The following ZMYND11 variants were observed in gnomAD, a reference collection of about 807,000 sequenced individuals.
The protein encoded by ZMYND11 is zinc finger MYND domain-containing protein 11.
A neutral mutation model predicts 84.9 loss-of-function variants in ZMYND11; 9 were observed. The ratio of observed to expected loss-of-function variants is 0.11; its 90% CI spans 0.06 to 0.18. The LOEUF (loss-of-function observed/expected upper bound fraction) is 0.18, where lower values mean the gene tolerates loss of function less well. ZMYND11 is among the 10% of genes least tolerant of loss of function. ZMYND11 has a pLI of 1.00. For synonymous variants in ZMYND11, 250 were observed against 244.1 expected, an observed-to-expected ratio of 1.02 and a Z score of -0.23; for missense variants, 409 against 761.0, an observed-to-expected ratio of 0.54 and a Z score of 5.44.
At chr10:174,374 C>G (rs1395744668) in intron 1 of ZMYND11, among the ~76,000 whole-genome samples, 2 of 152,202 alleles carry the variant, frequency 1.3e-5, no homozygotes, top group African/African-American at 4.8e-5. Context: ...GTAAAAAGAC[C>G]AGTGGTTGCC....
intron 3 of ZMYND11, among the ~76,000 whole-genome samples, chr10:213,367 C>T (rs1190999552): frequency 6.6e-6 from 1 of 152,096 alleles, no homozygotes; most frequent in Admixed American, 6.6e-5. Flanking sequence ...ATAGTTTTAC[C>T]ACCTTATATA....
intron 3 of ZMYND11, among the ~76,000 whole-genome samples, chr10:215,011 A>T (rs1945918494): frequency 6.6e-6 from 1 of 152,240 alleles, no homozygotes; most frequent in African/African-American, 2.4e-5. Context: ...ACCTTAAATG[A>T]TGGATCATTT....
At chr10:224,054 G>T (rs753325807) in intron 4 of ZMYND11, among the ~76,000 whole-genome samples, 2 of 151,958 alleles carry the variant, frequency 1.3e-5, no homozygotes, top group African/African-American at 2.4e-5. Flanking sequence ...AATAATAAAT[G>T]GAAGCTAACC....
chr10:235,707 C>T (rs953162019), intron 4 of ZMYND11, among the ~76,000 whole-genome samples: 1 of 152,134 alleles, frequency 6.6e-6, no homozygotes, highest in African/African-American at 2.4e-5. Context: ...TGGGCACAGG[C>T]CACAAAGCGG....
chr10:224,102 T>C (rs1053291681), intron 4 of ZMYND11, among the ~76,000 whole-genome samples: 2 of 152,196 alleles, frequency 1.3e-5, no homozygotes, highest in African/African-American at 4.8e-5. Context: ...GAAGCCCTTT[T>C]CTAAGAGTTT....
chr10:150,306 T>A (rs1554756622), intron 1 of ZMYND11, among the ~76,000 whole-genome samples: 1 of 152,194 alleles, frequency 6.6e-6, no homozygotes, highest in East Asian at 1.9e-4. Context: ...TATTGGTCTA[T>A]TCAGGGATTC....
chr10:231,601 T>G (rs1949025188), intron 4 of ZMYND11, among the ~76,000 whole-genome samples: 1 of 152,190 alleles, frequency 6.6e-6, no homozygotes, highest in South Asian at 2.1e-4. Flanking sequence ...TAATCAGCTA[T>G]GGATAAACTT....
chr10:240,040 C>G lies in ZMYND11; in HGVS notation c.698-16C>G, dbSNP rs1564444909. On this transcript the variant is annotated splice_polypyrimidine_tract_variant and intron_variant, in intron 7 of 14. Coordinates refer to ENST00000381604, the MANE Select transcript of ZMYND11 (RefSeq NM_001370100.5). ...GCAGACTATTGCTTATAGGTAATAT[C>G]TATTTTTAATTACAGCAGACAGTGA... The G allele has an allele frequency of 6.2e-7, 1 of 1,604,966 alleles. No homozygotes were observed. Among genetic ancestry groups the G allele is most frequent in the Admixed American group, 1.7e-5 (1 of 59,012 alleles).
chr10:238,904 C>CT (rs1171109519), intron 6 of ZMYND11, among the ~76,000 whole-genome samples: 1 of 152,170 alleles, frequency 6.6e-6, no homozygotes, highest in Non-Finnish European at 1.5e-5. Context: ...TTGAAATCCT[C>CT]TAAGATTTGT....
chr10:185,156 T>C (rs189125054), intron 2 of ZMYND11, among the ~76,000 whole-genome samples: 1 of 152,210 alleles, frequency 6.6e-6, no homozygotes, highest in South Asian at 2.1e-4. Flanking sequence ...AGTGCTATTA[T>C]CAAGTGGGCC....
intron 1 of ZMYND11, among the ~76,000 whole-genome samples, chr10:172,702 A>G (rs1335450216): frequency 1.3e-5 from 2 of 152,198 alleles, no homozygotes; most frequent in Non-Finnish European, 2.9e-5. Flanking sequence ...TGTAGTCTCA[A>G]TCAGAATCCC....
At chr10:139,572 T>C (rs1385790476) in intron 1 of ZMYND11, among the ~76,000 whole-genome samples, 1 of 152,198 alleles carries the variant, frequency 6.6e-6, no homozygotes, top group Non-Finnish European at 1.5e-5. Flanking sequence ...TTGAAATGTT[T>C]AGTAGCTACA....
intron 4 of ZMYND11, among the ~76,000 whole-genome samples, chr10:226,045 AT>A (rs1436748910): frequency 6.6e-6 from 1 of 152,170 alleles, no homozygotes; most frequent in Non-Finnish European, 1.5e-5. Flanking sequence ...TGGCTACCAT[AT>A]TAGATAGTGC....
At chr10:206,020 T>G (rs887865760) in intron 2 of ZMYND11, among the ~76,000 whole-genome samples, 4 of 152,166 alleles carry the variant, frequency 2.6e-5, no homozygotes, top group East Asian at 1.9e-4. Context: ...GGTTGTTTTT[T>G]TTTTTTTTTT....
rs1948700322 is a variant in ZMYND11, at chr10:229,820, A to AT, written c.439-7016dup. On this transcript the variant is annotated intron_variant, in intron 4 of 14. Transcript: ENST00000381604. ...GACCAGCTTCACTTTTAACTTCTCA[A>AT]TTATTGGGACTTCATATAAATTATG... 2.0e-5 allele frequency among the ~76,000 whole-genome samples: 3 copies of AT among 152,172 alleles called. No individual in the cohort carries two copies. The South Asian group carries it at 6.2e-4, about 32-fold the overall frequency.
At chr10:162,827 C>T (rs1843212331) in intron 1 of ZMYND11, among the ~76,000 whole-genome samples, 4 of 152,146 alleles carry the variant, frequency 2.6e-5, no homozygotes, top group South Asian at 2.1e-4. Context: ...GAGTCCAAGG[C>T]AGTTGCTCAG....
chr10:240,980 ATT>A lies in ZMYND11; in HGVS notation c.831+14_831+15del, dbSNP rs775465459. ...GTTCTGTTATCCTTGTGTATGTGAAATTTTTACCTCAAGTGTGTAACATACAG... is the reference window on the plus strand; with the variant it reads ...GTTCTGTTATCCTTGTGTATGTGAAATTTACCTCAAGTGTGTAACATACAG... On this transcript the variant is annotated intron_variant, in intron 9 of 14. Transcript: ENST00000381604. 7.5e-6 allele frequency: 12 copies of A among 1,608,994 alleles called. No individual in the cohort carries two copies. Among genetic ancestry groups the A allele is most frequent in the Non-Finnish European group, 1.0e-5 (12 of 1,176,222 alleles).
At chr10:249,286 C>T in intron 14 of ZMYND11, 198 bp downstream of exon 14, 4 of 1,418,478 alleles carry the variant, frequency 2.8e-6, no homozygotes, top group Admixed American at 3.0e-5. Flanking sequence ...TTACTGTGTA[C>T]TGCTCAGGAT....
intron 1 of ZMYND11, among the ~76,000 whole-genome samples, chr10:164,378 G>A (rs1554763105): frequency 6.6e-6 from 1 of 152,118 alleles, no homozygotes; most frequent in Admixed American, 6.6e-5. Context: ...AGGTGATGCT[G>A]TGATATCAAG....
Sources: allele counts gnomAD v4.1 joint callset (sites outside exome capture counted in the v4.1 genomes callset), GRCh38; gene constraint gnomAD v4.1.1; transcripts MANE v1.5; gene names NCBI Gene and HGNC (gene_info 2026-07-23, HGNC 2026-07-21).